CDS2: variants seen among roughly 807,000 people sequenced by gnomAD.
The protein encoded by CDS2 is phosphatidate cytidylyltransferase 2.
Under a neutral mutation model 59.0 loss-of-function variants are expected in CDS2, and 47 were observed. The ratio of observed to expected loss-of-function variants is 0.80; its 90% CI spans 0.63 to 1.02. The LOEUF is 1.02. Among genes scored for constraint, CDS2 ranks in the 50% least tolerant of loss-of-function variants. CDS2 has a pLI of 0.00. For missense variants in CDS2, 356 were observed against 558.9 expected, an observed-to-expected ratio of 0.64 and a Z score of 3.66; for synonymous variants, 207 against 206.4, an observed-to-expected ratio of 1.00 and a Z score of -0.02.
chr20:5,164,893 T>C (rs2090902292), intron 1 of CDS2, among the ~76,000 whole-genome samples: 1 of 152,174 alleles, frequency 6.6e-6, no homozygotes, highest in African/African-American at 2.4e-5. Flanking sequence ...AATTAAGTAA[T>C]GGCTTGTGAT....
intron 1 of CDS2, among the ~76,000 whole-genome samples, chr20:5,129,641 A>T (rs993978897): frequency 6.6e-6 from 1 of 151,876 alleles, no homozygotes; most frequent in African/African-American, 2.4e-5. Context: ...ACGGCTTCTC[A>T]ATGTTGGTCA....
intron 1 of CDS2, among the ~76,000 whole-genome samples, chr20:5,129,443 A>AT (rs928515205): frequency 0.024 from 2,894 of 122,064 alleles, 66 homozygotes; most frequent in South Asian, 0.047. Flanking sequence ...CGCTCGGCTA[A>AT]TTTTTTTTTT....
chr20:5,131,213 T>G (rs896156233), intron 1 of CDS2, among the ~76,000 whole-genome samples: 1 of 152,158 alleles, frequency 6.6e-6, no homozygotes, highest in Non-Finnish European at 1.5e-5. Flanking sequence ...CAAAATAATC[T>G]GGAGCATGTT....
intron 1 of CDS2, among the ~76,000 whole-genome samples, chr20:5,137,703 A>G (rs900031580): frequency 1.3e-5 from 2 of 151,816 alleles, no homozygotes; most frequent in African/African-American, 4.8e-5. Flanking sequence ...AGTCCCAGCT[A>G]CATGGGAGGC....
chr20:5,170,663 C>T (rs1031169982), intron 1 of CDS2, among the ~76,000 whole-genome samples: 15 of 152,222 alleles, frequency 9.9e-5, no homozygotes, highest in Admixed American at 2.6e-4. Context: ...TGGTTTCCTG[C>T]TCAGAGGATG....
intron 1 of CDS2, among the ~76,000 whole-genome samples, chr20:5,162,156 G>A (rs1443611468): frequency 6.6e-6 from 1 of 152,126 alleles, no homozygotes; most frequent in Non-Finnish European, 1.5e-5. Flanking sequence ...CAGTACCTGG[G>A]GGAAGATAGG....
chr20:5,131,092 TAAAAA>T (rs1049352468), intron 1 of CDS2, among the ~76,000 whole-genome samples: 1 of 105,116 alleles, frequency 9.5e-6, no homozygotes, highest in African/African-American at 3.5e-5. Flanking sequence ...GACTCTGTCT[TAAAAA>T]AAAAAAAAAA....
At chr20:5,183,034 T>C (rs2091042518) in intron 6 of CDS2, 27 bp from the exon 7 acceptor site, 1 of 1,583,982 alleles carries the variant, frequency 6.3e-7, no homozygotes, top group Non-Finnish European at 8.7e-7. Flanking sequence ...AACTGGTAAG[T>C]AGTGTTTATT....
intron 1 of CDS2, among the ~76,000 whole-genome samples, chr20:5,167,207 A>G (rs2090919348): frequency 6.6e-6 from 1 of 152,248 alleles, no homozygotes; most frequent in African/African-American, 2.4e-5. Context: ...TTAGGTTTTA[A>G]GAAGCTGAAT....
chr20:5,133,220 T>C (rs2090622500), intron 1 of CDS2, among the ~76,000 whole-genome samples: 1 of 152,188 alleles, frequency 6.6e-6, no homozygotes, highest in South Asian at 2.1e-4. Context: ...TAAATTGCTC[T>C]CCTTGGTTGT....
At chr20:5,130,175 A>G (rs952205474) in intron 1 of CDS2, among the ~76,000 whole-genome samples, 3 of 151,148 alleles carry the variant, frequency 2.0e-5, no homozygotes, top group African/African-American at 7.3e-5. Context: ...AGGTTTCACC[A>G]TGTTGGCCAG....
intron 1 of CDS2, among the ~76,000 whole-genome samples, chr20:5,133,747 A>G (rs1445659579): frequency 6.6e-6 from 1 of 151,784 alleles, no homozygotes; most frequent in East Asian, 1.9e-4. Context: ...CTGGTCTCGA[A>G]CTCCTGACCT....
intron 1 of CDS2, among the ~76,000 whole-genome samples, chr20:5,172,243 C>T (rs73586470): frequency 3.9e-5 from 6 of 152,200 alleles, no homozygotes; most frequent in African/African-American, 1.2e-4. Context: ...CAAAAGTCCC[C>T]GTTGTGGTCA....
intron 10 of CDS2, chr20:5,187,879 C>CAAAAA (rs147307441): frequency 3.2e-5 from 2 of 63,462 alleles, no homozygotes; most frequent in Non-Finnish European, 3.6e-5. Flanking sequence ...GAGACTGTCT[C>CAAAAA]AAAAAAAAAA....
chr20:5,138,281 G>A (rs774356650), intron 1 of CDS2, among the ~76,000 whole-genome samples: 2 of 151,876 alleles, frequency 1.3e-5, no homozygotes, highest in Non-Finnish European at 2.9e-5. Flanking sequence ...GAGAGAGATA[G>A]GATAGGGTTC....
In CDS2 at chr20:5,185,778, G is replaced by A. The variant is rs1220070818; in HGVS notation, c.780G>A (p.Trp260Ter). Reference sequence around the variant, plus strand: ...CACAGCTGTCCCCGAAGAAGACCTGGGAAGGCTTCATTGGGGGCTTCTTTG... The same window carrying A: ...CACAGCTGTCCCCGAAGAAGACCTGAGAAGGCTTCATTGGGGGCTTCTTTG... ...PLIKLSPKKT[W>*]EGFIGGFFAT... The change falls in exon 9 of 13, where the codon TGG becomes TGA. Residue 260 changes from tryptophan (W) to a stop codon, truncating the protein, a stop_gained. Transcript: ENST00000460006. LOFTEE classifies it high-confidence loss of function. 1.2e-6 allele frequency: 2 copies of A among 1,614,212 alleles called. No individual in the cohort carries two copies. Among genetic ancestry groups the A allele is most frequent in the Non-Finnish European group, 8.5e-7 (1 of 1,180,024 alleles).
chr20:5,130,612 C>T (rs539895217), intron 1 of CDS2, among the ~76,000 whole-genome samples: 17 of 151,222 alleles, frequency 1.1e-4, no homozygotes, highest in Admixed American at 3.3e-4. Flanking sequence ...GTAGAAACCC[C>T]GTCTCTACTA....
chr20:5,167,533 G>C (rs2090921710), intron 1 of CDS2, among the ~76,000 whole-genome samples: 1 of 152,114 alleles, frequency 6.6e-6, no homozygotes, highest in East Asian at 1.9e-4. Flanking sequence ...ACACTGGCCA[G>C]ATATATGTAT....
intron 7 of CDS2, among the ~76,000 whole-genome samples, chr20:5,183,986 G>T (rs576560148): frequency 4.6e-5 from 7 of 151,988 alleles, no homozygotes; most frequent in Non-Finnish European, 8.8e-5. Context: ...TGAAATCCCC[G>T]TCTCTACTAA....
Sources: gnomAD v4.1 joint callset for allele counts (sites outside exome capture counted in the v4.1 genomes callset) on GRCh38, gnomAD v4.1.1 for gene constraint, MANE v1.5 for transcripts, NCBI Gene and HGNC (gene_info 2026-07-23, HGNC 2026-07-21) for gene names.